ARHGAP10: variants seen among roughly 807,000 people sequenced by gnomAD.
The protein encoded by ARHGAP10 is Rho GTPase activating protein 10, also known as rho GTPase-activating protein 10.
Under a neutral mutation model 108.6 loss-of-function variants are expected in ARHGAP10, and 87 were observed. The ratio of observed to expected loss-of-function variants is 0.80; its 90% CI spans 0.67 to 0.96. ARHGAP10 has a LOEUF of 0.96. Among genes scored for constraint, ARHGAP10 ranks in the 40% least tolerant of loss-of-function variants. The pLI is 0.00. For missense variants in ARHGAP10, 939 were observed against 954.5 expected (o/e 0.98, Z 0.21); for synonymous variants, 347 against 341.1 (o/e 1.02, Z -0.19).
chr4:147,782,804 T>C (rs1026287226), intron 1 of ARHGAP10: 1 of 149,132 alleles, frequency 6.7e-6, no homozygotes, highest in African/African-American at 2.4e-5. Flanking sequence ...TCCTGAGTTA[T>C]TCACAGCTCA....
At chr4:147,894,606 A>ATT (rs139234121) in intron 10 of ARHGAP10, among the ~76,000 whole-genome samples, 2 of 151,872 alleles carry the variant, frequency 1.3e-5, no homozygotes, top group East Asian at 1.9e-4. Flanking sequence ...ACCAAGAAAT[A>ATT]TTTTTTTTAC....
At chr4:147,764,983 C>CA (rs1729733338) in intron 1 of ARHGAP10, among the ~76,000 whole-genome samples, 1 of 152,174 alleles carries the variant, frequency 6.6e-6, no homozygotes, top group Non-Finnish European at 1.5e-5. Flanking sequence ...TGCTTTTCCA[C>CA]AAAAATGCCC....
chr4:147,836,653 T>TG (rs1733181347), intron 3 of ARHGAP10, among the ~76,000 whole-genome samples: 1 of 65,790 alleles, frequency 1.5e-5, no homozygotes, highest in South Asian at 6.7e-4. Flanking sequence ...GTTCCTTAAA[T>TG]CTAAGTACCA....
At position 147,872,209 on chromosome 4, in the gene ARHGAP10, A is replaced by T. The variant is rs890806021; in HGVS notation, c.703-2812A>T. Among the ~76,000 whole-genome samples, 3 of 149,820 alleles carry T rather than the reference A, an allele frequency of 2.0e-5. No individual in the cohort carries two copies. The South Asian group carries it at 6.3e-4, about 32-fold the overall frequency. Reference sequence around the variant, plus strand: ...CCTCATGGAGGCGTCTGCGGCAGGGATGGTGGAGTGGTGATGAGACAGAGG... The same window carrying T: ...CCTCATGGAGGCGTCTGCGGCAGGGTTGGTGGAGTGGTGATGAGACAGAGG... On this transcript the variant is annotated intron_variant, in intron 7 of 22. Coordinates refer to ENST00000336498, the MANE Select transcript of ARHGAP10 (RefSeq NM_024605.4).
intron 16 of ARHGAP10, among the ~76,000 whole-genome samples, chr4:147,962,273 A>T (rs902805009): frequency 1.3e-5 from 2 of 152,184 alleles, no homozygotes; most frequent in South Asian, 2.1e-4. Context: ...CTGCTGCTAA[A>T]ACCTGTCAGT....
At chr4:147,995,333 A>G (rs1461660786) in intron 18 of ARHGAP10, among the ~76,000 whole-genome samples, 1 of 152,186 alleles carries the variant, frequency 6.6e-6, no homozygotes, top group Non-Finnish European at 1.5e-5. Context: ...CAGTACCTCC[A>G]AAGTCTATGA....
Position 147,732,226 on chromosome 4 carries a change from C to A in ARHGAP10, c.-76C>A. The A allele has an allele frequency of 7.1e-7, 1 of 1,403,600 alleles. No homozygotes were observed. The highest frequency in any genetic ancestry group is 2.9e-5 in the East Asian group (1 of 34,216). 86.9% of individuals were successfully genotyped at this position (1,403,600 alleles called of 1,614,324 possible). On this transcript the variant is annotated 5_prime_UTR_variant, in exon 1 of 23. Transcript: ENST00000336498. ...TGTGCTCCCTGAACGCGCGGCGCCG[C>A]ACCTGGCAGCGGCCTCGGAGCTCGG...
intron 3 of ARHGAP10, among the ~76,000 whole-genome samples, chr4:147,829,176 G>A (rs767813959): frequency 2.2e-4 from 33 of 151,806 alleles, no homozygotes; most frequent in Middle Eastern, 3.4e-3. Flanking sequence ...TCAGCCTCCC[G>A]AGTAGCTGGA....
At chr4:147,993,656 T>C (rs1159055688) in intron 18 of ARHGAP10, among the ~76,000 whole-genome samples, 1 of 152,214 alleles carries the variant, frequency 6.6e-6, no homozygotes, top group African/African-American at 2.4e-5. Flanking sequence ...TCGTTTGCTT[T>C]GTTCAAAGCC....
At chr4:147,963,186 G>C (rs1396480494) in intron 16 of ARHGAP10, among the ~76,000 whole-genome samples, 2 of 152,170 alleles carry the variant, frequency 1.3e-5, no homozygotes, top group African/African-American at 2.4e-5. Flanking sequence ...TTGGCCTCGG[G>C]CTACCTTTCT....
Position 147,757,339 on chromosome 4 carries a change from G to A in ARHGAP10, c.154+24884G>A, listed in dbSNP as rs903119704. On this transcript the variant is annotated intron_variant, in intron 1 of 22. Coordinates refer to ENST00000336498, the MANE Select transcript of ARHGAP10 (RefSeq NM_024605.4). ...CCTCCCGAAAGCTGGGACTACAGGC[G>A]TATGCCGCCATGCCCAGCTAATTTC... Among the ~76,000 whole-genome samples, 104 of 152,140 alleles carry A rather than the reference G, an allele frequency of 6.8e-4. No individual in the cohort carries two copies. The Middle Eastern group carries it at 0.014, about 20-fold the overall frequency.
chr4:148,016,457 T>C (rs1040788602), intron 18 of ARHGAP10, among the ~76,000 whole-genome samples: 2 of 152,150 alleles, frequency 1.3e-5, no homozygotes, highest in South Asian at 2.1e-4. Context: ...GACCTGTGAT[T>C]GTGCCACTGC....
intron 19 of ARHGAP10, among the ~76,000 whole-genome samples, chr4:148,026,956 C>T (rs1421906714): frequency 1.3e-5 from 2 of 152,114 alleles, no homozygotes; most frequent in African/African-American, 4.8e-5. Flanking sequence ...TTCTCCTGCC[C>T]CCACTCCAAG....
chr4:147,791,211 A>G (rs938024055), intron 1 of ARHGAP10, among the ~76,000 whole-genome samples: 1 of 150,652 alleles, frequency 6.6e-6, no homozygotes, highest in Non-Finnish European at 1.5e-5. Flanking sequence ...TCCCAGGTTC[A>G]AGTGATTCTC....
At chr4:147,754,358 C>T (rs575277366) in intron 1 of ARHGAP10, among the ~76,000 whole-genome samples, 2 of 152,154 alleles carry the variant, frequency 1.3e-5, no homozygotes, top group Non-Finnish European at 2.9e-5. Context: ...CTTTGATGCA[C>T]AGGAGGTGAA....
At chr4:147,930,363 G>A (rs1188207182) in intron 13 of ARHGAP10, among the ~76,000 whole-genome samples, 1 of 151,976 alleles carries the variant, frequency 6.6e-6, no homozygotes, top group African/African-American at 2.4e-5. Context: ...TATATTAATT[G>A]TTCATTTATT....
rs530483187 is a variant in ARHGAP10, at chr4:147,898,458, A to AT, written c.1035-8169dup. Among the ~76,000 whole-genome samples the AT allele has an allele frequency of 9.6e-4, 134 of 140,290 alleles. 1 individual carries two copies. The highest frequency in any genetic ancestry group is 2.1e-3 in the East Asian group (10 of 4,796). 92.0% of individuals were successfully genotyped at this position (140,290 alleles called of 152,430 possible). On this transcript the variant is annotated intron_variant, in intron 10 of 22. Transcript: ENST00000336498. ...TATTTCTTTTTAAATAATTTTTATG[A>AT]TTTTTTTTTTTGCCTTGCCCAGGGT...
chr4:147,977,893 T>A (rs1254318176), intron 18 of ARHGAP10, among the ~76,000 whole-genome samples: 1 of 152,156 alleles, frequency 6.6e-6, no homozygotes, highest in Non-Finnish European at 1.5e-5. Flanking sequence ...CTTCCACTTA[T>A]AATTGAAAAC....
At chr4:147,852,141 G>A (rs1179658197) in intron 4 of ARHGAP10, among the ~76,000 whole-genome samples, 1 of 152,152 alleles carries the variant, frequency 6.6e-6, no homozygotes. Context: ...CCATCACCTT[G>A]CCAAACAGGA....
Sources: gnomAD v4.1 joint callset for allele counts (sites outside exome capture counted in the v4.1 genomes callset) on GRCh38, gnomAD v4.1.1 for gene constraint, MANE v1.5 for transcripts, NCBI Gene and HGNC (gene_info 2026-07-23, HGNC 2026-07-21) for gene names.